Variants in TPRG1 observed in about 807,000 individuals in gnomAD.
TPRG1 encodes tumor protein p63-regulated gene 1 protein.
Under a neutral mutation model 29.3 loss-of-function variants are expected in TPRG1, and 29 were observed. The observed-to-expected ratio is 0.99, with a 90% CI of 0.74 to 1.35. TPRG1 has a LOEUF of 1.35. Ranked by LOEUF, TPRG1 falls within the 40% of genes most tolerant of loss-of-function variation. The pLI, the probability that TPRG1 is intolerant of heterozygous loss-of-function variation, is 0.00. For synonymous variants in TPRG1, 130 were observed against 116.8 expected, an observed-to-expected ratio of 1.11 and a Z score of -0.73; for missense variants, 327 against 335.0, an observed-to-expected ratio of 0.98 and a Z score of 0.19.
chr3:189,005,217 C>T (rs969660227), intron 3 of TPRG1, among the ~76,000 whole-genome samples: 4 of 152,134 alleles, frequency 2.6e-5, no homozygotes, highest in Non-Finnish European at 5.9e-5. Context: ...TCTGTTCTTA[C>T]TCGGCAGATC....
At chr3:189,153,364 G>T (rs535762583) in intron 5 of TPRG1, among the ~76,000 whole-genome samples, 1 of 152,216 alleles carries the variant, frequency 6.6e-6, no homozygotes, top group Non-Finnish European at 1.5e-5. Flanking sequence ...CATCACCAAA[G>T]AATGAAGAAA....
At chr3:189,038,213 A>AT (rs1714405035) in intron 4 of TPRG1, among the ~76,000 whole-genome samples, 1 of 152,082 alleles carries the variant, frequency 6.6e-6, no homozygotes, top group Admixed American at 6.6e-5. Flanking sequence ...ATAAAGAACC[A>AT]TAAACCGTCC....
chr3:189,055,429 C>T (rs1206984673), intron 4 of TPRG1, among the ~76,000 whole-genome samples: 6 of 152,248 alleles, frequency 3.9e-5, no homozygotes, highest in African/African-American at 7.2e-5. Context: ...ACCAGAGGTC[C>T]GCAAGGGCCC....
At chr3:189,279,388 G>A (rs1030784200) in intron 4 of TPRG1, among the ~76,000 whole-genome samples, 7 of 152,112 alleles carry the variant, frequency 4.6e-5, no homozygotes, top group African/African-American at 1.2e-4. Flanking sequence ...TCTAATATAC[G>A]TTATGACATA....
At chr3:189,042,690 A>C (rs992556735) in intron 4 of TPRG1, among the ~76,000 whole-genome samples, 7 of 152,044 alleles carry the variant, frequency 4.6e-5, no homozygotes, top group Admixed American at 4.6e-4. Context: ...ATCCCTCATG[A>C]AAATGAACTC....
intron 5 of TPRG1, among the ~76,000 whole-genome samples, chr3:189,312,217 C>CTTTCT (rs1560689994): frequency 1.7e-5 from 1 of 57,354 alleles, no homozygotes; most frequent in African/African-American, 1.0e-4. Context: ...TTCTTTCTTT[C>CTTTCT]TTAAGACGGA....
chr3:189,216,590 T>C (rs1736099703), intron 3 of TPRG1, among the ~76,000 whole-genome samples: 1 of 152,196 alleles, frequency 6.6e-6, no homozygotes, highest in Non-Finnish European at 1.5e-5. Flanking sequence ...ATAACGTTGG[T>C]AAATTAGCAA....
intron 4 of TPRG1, among the ~76,000 whole-genome samples, chr3:189,086,211 G>T (rs1403467518): frequency 2.0e-5 from 3 of 152,144 alleles, no homozygotes; most frequent in African/African-American, 4.8e-5. Flanking sequence ...CAGCACAGGA[G>T]AAAGGTGGAG....
rs148523723 is a variant in TPRG1 at position 189,231,632 on chromosome 3, G to A, written c.303-7101G>A. ...CTATTATTATCTTCATGCTGGAGAC[G>A]TGAAAACCAAATCTTAGAATGGATA... On this transcript the variant is annotated intron_variant, in intron 3 of 5. Coordinates refer to ENST00000345063, the MANE Select transcript of TPRG1 (RefSeq NM_198485.4). Among the ~76,000 whole-genome samples the A allele has an allele frequency of 2.9e-4, 44 of 152,198 alleles. No homozygotes were observed. In the East Asian group the frequency reaches 6.4e-3, roughly 22 times the overall value.
At chr3:189,296,725 A>G (rs990085589) in intron 4 of TPRG1, among the ~76,000 whole-genome samples, 1 of 152,248 alleles carries the variant, frequency 6.6e-6, no homozygotes, top group Admixed American at 6.5e-5. Flanking sequence ...GGTTGAAGAA[A>G]TAGGTGTCTG....
chr3:189,260,678 C>T (rs1255522369), intron 4 of TPRG1, among the ~76,000 whole-genome samples: 2 of 152,170 alleles, frequency 1.3e-5, no homozygotes, highest in African/African-American at 4.8e-5. Flanking sequence ...TTGCATTCTG[C>T]AACATAGAAG....
intron 4 of TPRG1, among the ~76,000 whole-genome samples, chr3:189,241,562 C>T (rs1490745047): frequency 6.6e-6 from 1 of 151,872 alleles, no homozygotes; most frequent in South Asian, 2.1e-4. Context: ...TCTCTTTTAA[C>T]ATTATTATGC....
At chr3:189,257,025 G>A (rs761866922) in intron 4 of TPRG1, among the ~76,000 whole-genome samples, 75 of 152,184 alleles carry the variant, frequency 4.9e-4, no homozygotes, top group Non-Finnish European at 8.7e-4. Flanking sequence ...ATATTGTTAT[G>A]TGTGAATTTG....
intron 3 of TPRG1, among the ~76,000 whole-genome samples, chr3:189,218,977 C>T (rs147387596): frequency 3.9e-5 from 6 of 152,228 alleles, no homozygotes; most frequent in South Asian, 2.1e-4. Flanking sequence ...CTATCCCATA[C>T]GTGATGGGGA....
At chr3:189,186,996 T>C in intron 1 of TPRG1, among the ~76,000 whole-genome samples, 1 of 145,250 alleles carries the variant, frequency 6.9e-6, no homozygotes, top group Non-Finnish European at 1.5e-5. Context: ...TTTTTTTTTT[T>C]TTTTTTTTTT....
At chr3:189,137,296 A>ATGTGTG (rs10525363) in intron 3 of TPRG1, among the ~76,000 whole-genome samples, 3,514 of 129,838 alleles carry the variant, frequency 0.027, 56 homozygotes, top group Middle Eastern at 0.037. Flanking sequence ...AAACCCCAAA[A>ATGTGTG]TGTGTGTGTG....
rs35016491 is a variant in TPRG1 at position 189,259,462 on chromosome 3, CTT to C, written c.479+20575_479+20576del. Among the ~76,000 whole-genome samples, 754 of 92,078 alleles carry C rather than the reference CTT, an allele frequency of 8.2e-3. 9 individuals are homozygous for C. Among genetic ancestry groups the C allele is most frequent in the East Asian group, 0.05 (202 of 4,062 alleles). 60.4% of individuals were successfully genotyped at this position (92,078 alleles called of 152,430 possible). A position where few individuals can be genotyped will look rare whatever the true frequency, so the allele number is the denominator to read the frequency against. Reference sequence around the variant, plus strand: ...GTTCAGCCATCTTGCCCAGGAATCCCTTTTTTTTTTTTTTTTTTTTTTTACGA... The same window carrying C: ...GTTCAGCCATCTTGCCCAGGAATCCCTTTTTTTTTTTTTTTTTTTTTACGA... On this transcript the variant is annotated intron_variant, in intron 4 of 5. Coordinates refer to ENST00000345063, the MANE Select transcript of TPRG1 (RefSeq NM_198485.4).
intron 5 of TPRG1, among the ~76,000 whole-genome samples, chr3:189,317,899 G>A (rs1414357439): frequency 2.0e-5 from 3 of 152,150 alleles, no homozygotes; most frequent in African/African-American, 7.2e-5. Flanking sequence ...ATAGGATGAG[G>A]ATGGAAATTA....
At chr3:189,003,259 G>C (rs1233473036) in intron 2 of TPRG1, among the ~76,000 whole-genome samples, 3 of 152,028 alleles carry the variant, frequency 2.0e-5, no homozygotes, top group Non-Finnish European at 4.4e-5. Context: ...CATCCATTAG[G>C]CACTGAGTCA....
Sources: allele counts gnomAD v4.1 joint callset (sites outside exome capture counted in the v4.1 genomes callset), GRCh38; gene constraint gnomAD v4.1.1; transcripts MANE v1.5; gene names NCBI Gene and HGNC (gene_info 2026-07-23, HGNC 2026-07-21).